Variants in CDH1 observed in about 807,000 individuals in gnomAD.
The protein encoded by CDH1 is cadherin 1.
A neutral mutation model predicts 84.5 loss-of-function variants in CDH1; 35 were observed. That is an observed-to-expected ratio of 0.41 (90% confidence interval 0.32 to 0.55). The LOEUF (loss-of-function observed/expected upper bound fraction) is 0.55. CDH1 is among the 20% of genes least tolerant of loss of function. The pLI, the probability that CDH1 is intolerant of heterozygous loss-of-function variation, is 0.19. For missense variants in CDH1, 994 were observed against 1,126.6 expected, an observed-to-expected ratio of 0.88 and a Z score of 1.68; for synonymous variants, 417 against 439.0, an observed-to-expected ratio of 0.95 and a Z score of 0.63.
At chr16:68,776,806 A>G (rs1253827395) in intron 2 of CDH1, among the ~76,000 whole-genome samples, 1 of 152,248 alleles carries the variant, frequency 6.6e-6, no homozygotes, top group African/African-American at 2.4e-5. Context: ...CAGGCTTGTC[A>G]GATTAGGCTG....
intron 12 of CDH1, chr16:68,823,048 A>AGGCCG (rs1961206718): frequency 1.0e-5 from 3 of 298,772 alleles, no homozygotes; most frequent in Non-Finnish European, 1.9e-5. Flanking sequence ...TTCACAGGCC[A>AGGCCG]GCCGGCCTCC....
chr16:68,820,392 C>A (rs35982783), intron 11 of CDH1, among the ~76,000 whole-genome samples: 1 of 150,134 alleles, frequency 6.7e-6, no homozygotes, highest in Non-Finnish European at 1.5e-5. Flanking sequence ...GCTCTGTCAC[C>A]CAGGCTGGAG....
chr16:68,809,226 C>CTTTTTTTTTTTTTTTTTTT (rs536314715), intron 5 of CDH1, among the ~76,000 whole-genome samples: 1 of 135,468 alleles, frequency 7.4e-6, no homozygotes, highest in African/African-American at 2.7e-5. Context: ...ACCAAGAGGT[C>CTTTTTTTTTTTTTTTTTTT]TTTTTTTTTT....
At chr16:68,751,958 T>G (rs1483959905) in intron 2 of CDH1, among the ~76,000 whole-genome samples, 1 of 150,730 alleles carries the variant, frequency 6.6e-6, no homozygotes, top group African/African-American at 2.4e-5. Flanking sequence ...TTGTATTTTT[T>G]TTTTTTTTTT....
At chr16:68,811,907 A>C (rs1033835808) in intron 7 of CDH1, 48 bp downstream of exon 7, 82 of 1,599,586 alleles carry the variant, frequency 5.1e-5, no homozygotes, top group Non-Finnish European at 7.0e-5. Flanking sequence ...AATGTGTATT[A>C]GCTCAATCCC....
intron 2 of CDH1, among the ~76,000 whole-genome samples, chr16:68,752,412 C>A (rs1285808425): frequency 6.6e-6 from 1 of 152,146 alleles, no homozygotes; most frequent in Non-Finnish European, 1.5e-5. Context: ...CCTCAGGAGG[C>A]CAGGGATTTT....
At chr16:68,787,300 C>G (rs1960080384) in intron 2 of CDH1, among the ~76,000 whole-genome samples, 1 of 152,192 alleles carries the variant, frequency 6.6e-6, no homozygotes, top group South Asian at 2.1e-4. Flanking sequence ...GGCTGACCTG[C>G]TCTGTGACCT....
chr16:68,816,876 A>C (rs1165720510), intron 10 of CDH1, among the ~76,000 whole-genome samples: 3 of 152,238 alleles, frequency 2.0e-5, no homozygotes, highest in Non-Finnish European at 2.9e-5. Flanking sequence ...AGTTTAAAAG[A>C]ATGATGAAAA....
rs867486994 is a variant in CDH1 at position 68,790,704 on chromosome 16, C to T, written c.164-10966C>T. 2.6e-5 allele frequency among the ~76,000 whole-genome samples: 4 copies of T among 152,080 alleles called. No individual in the cohort carries two copies. In the South Asian group the frequency reaches 8.3e-4, roughly 32 times the overall value. Reference sequence around the variant, plus strand: ...AGAATGGAGATGAGTTGTTTTTCTCCCCTCTTCTTGAAAACAAATTGAGAT... The same window carrying T: ...AGAATGGAGATGAGTTGTTTTTCTCTCCTCTTCTTGAAAACAAATTGAGAT... On this transcript the variant is annotated intron_variant, in intron 2 of 15. Coordinates refer to ENST00000261769, the MANE Select transcript of CDH1 (RefSeq NM_004360.5).
chr16:68,818,240 A>C lies in CDH1; in HGVS notation c.1566-1040A>C, dbSNP rs76805186. Among the ~76,000 whole-genome samples, 167 of 89,488 alleles carry C rather than the reference A, an allele frequency of 1.9e-3. No individual in the cohort carries two copies. The East Asian group carries it at 0.029, about 16-fold the overall frequency. 58.7% of individuals were successfully genotyped at this position (89,488 alleles called of 152,430 possible). A position where few individuals can be genotyped will look rare whatever the true frequency, so the allele number is the denominator to read the frequency against. On this transcript the variant is annotated intron_variant, in intron 10 of 15. Coordinates refer to ENST00000261769, the MANE Select transcript of CDH1 (RefSeq NM_004360.5). ...GGGCGACAGAACGAGACTCTGTCCC[A>C]AAAAAAAAAAAAAAGAAAAGAAAAA...
intron 2 of CDH1, among the ~76,000 whole-genome samples, chr16:68,795,721 C>T (rs970065224): frequency 6.6e-6 from 1 of 150,562 alleles, no homozygotes; most frequent in Non-Finnish European, 1.5e-5. Context: ...GTCTTGAACT[C>T]CTGACCTCAG....
Position 68,829,943 on chromosome 16 carries a change from C to CT in CDH1, c.2439+155dup, listed in dbSNP as rs869244167. 3,007 of 613,360 alleles carry CT rather than the reference C, an allele frequency of 4.9e-3. 6 individuals carry two copies. The highest frequency in any genetic ancestry group is 0.01 in the South Asian group (440 of 43,612). 38.0% of individuals were successfully genotyped at this position (613,360 alleles called of 1,614,324 possible). ...GCCCTGGAGCCCTGTTTTCCTTTTT[C>CT]TTTTTTTTTCTTTTTCTTTTTTTTT... On this transcript the variant is annotated intron_variant, in intron 15 of 15. Transcript: ENST00000261769.
Position 68,833,407 on chromosome 16 carries a change from T to A in CDH1, c.2557T>A (p.Ser853Thr), listed in dbSNP as rs765978401. 6.2e-7 allele frequency: 1 copy of A among 1,613,996 alleles called. No homozygotes were observed. The highest frequency in any genetic ancestry group is 8.5e-7 in the Non-Finnish European group (1 of 1,180,012). Residue 853 changes from serine (S) to threonine (T), a missense_variant, in exon 16 of 16, where the codon TCA becomes ACA. Ser to Thr is a moderately conservative substitution (Grantham distance 58). Coordinates refer to ENST00000261769, the MANE Select transcript of CDH1 (RefSeq NM_004360.5). ...ASLSSLNSSE[S>T]DKDQDYDYLN... is the part of the protein sequence containing the mutation. Reference sequence around the variant, plus strand: ...TCTGAGCTCCCTGAACTCCTCAGAGTCAGACAAAGACCAGGACTATGACTA... The same window carrying A: ...TCTGAGCTCCCTGAACTCCTCAGAGACAGACAAAGACCAGGACTATGACTA...
chr16:68,755,352 T>C (rs571674524), intron 2 of CDH1, among the ~76,000 whole-genome samples: 2 of 151,818 alleles, frequency 1.3e-5, no homozygotes, highest in Non-Finnish European at 2.9e-5. Context: ...CATTCAAGTC[T>C]ATATTCATGT....
At chr16:68,812,911 A>C (rs1424412029) in intron 8 of CDH1, among the ~76,000 whole-genome samples, 3 of 152,132 alleles carry the variant, frequency 2.0e-5, no homozygotes, top group Admixed American at 2.0e-4. Flanking sequence ...GTGGTGGTGC[A>C]TGCTTGTAAT....
chr16:68,834,866 G>A lies in CDH1; in HGVS notation c.*1367G>A. ...AACTATGAAAAGTGGGCTTGGAGAT[G>A]GCAGGAGAGCTTGTCATTGAGCCTG... On this transcript the variant is annotated 3_prime_UTR_variant, in exon 16 of 16. Coordinates refer to ENST00000261769, the MANE Select transcript of CDH1 (RefSeq NM_004360.5). 1 of 232,804 alleles carries A rather than the reference G, an allele frequency of 4.3e-6. No individual in the cohort carries two copies. Among genetic ancestry groups the A allele is most frequent in the Non-Finnish European group, 8.5e-6 (1 of 117,410 alleles). The allele number at this position is 232,804 out of a possible 1,614,324, so 14.4% of individuals were successfully genotyped here.
chr16:68,773,579 G>A (rs540930322), intron 2 of CDH1, among the ~76,000 whole-genome samples: 45 of 152,322 alleles, frequency 3.0e-4, no homozygotes, highest in South Asian at 1.7e-3. Context: ...GATTACAGGC[G>A]TGAGCCAGTG....
intron 2 of CDH1, among the ~76,000 whole-genome samples, chr16:68,752,442 C>G (rs1172179209): frequency 6.6e-6 from 1 of 152,164 alleles, no homozygotes; most frequent in Non-Finnish European, 1.5e-5. Context: ...TTGTTTTGTA[C>G]TTGGGCTGAA....
Position 68,750,150 on chromosome 16 carries a change from C to CTTTTTTTTTTTTTTTTTTTTTTTTT in CDH1, c.163+11749_163+11750insTTTTTTTTTTTTTTTTTTTTTTTTT, listed in dbSNP as rs34551002. Among the ~76,000 whole-genome samples the CTTTTTTTTTTTTTTTTTTTTTTTTT allele has an allele frequency of 3.4e-4, 27 of 79,066 alleles. 1 individual carries two copies. Among genetic ancestry groups the CTTTTTTTTTTTTTTTTTTTTTTTTT allele is most frequent in the South Asian group, 9.7e-4 (2 of 2,068 alleles). 51.9% of individuals were successfully genotyped at this position (79,066 alleles called of 152,430 possible). ...TTTTGATTGTGATGCTAGAATTCAG[C>CTTTTTTTTTTTTTTTTTTTTTTTTT]TTTTTTTTTTGCCTTTGGAAGGCCT... On this transcript the variant is annotated intron_variant, in intron 2 of 15. Coordinates refer to ENST00000261769, the MANE Select transcript of CDH1 (RefSeq NM_004360.5).
Sources: gnomAD v4.1 joint callset for allele counts (sites outside exome capture counted in the v4.1 genomes callset) on GRCh38, gnomAD v4.1.1 for gene constraint, MANE v1.5 for transcripts, NCBI Gene and HGNC (gene_info 2026-07-23, HGNC 2026-07-21) for gene names.